ELL2: variants seen among roughly 807,000 people sequenced by gnomAD.
The protein encoded by ELL2 is elongation factor for RNA polymerase II 2, also known as RNA polymerase II elongation factor ELL2.
Under a neutral mutation model 72.8 loss-of-function variants are expected in ELL2, and 21 were observed. The observed-to-expected ratio is 0.29, with a 90% confidence interval of 0.20 to 0.42. ELL2 has a LOEUF of 0.42. ELL2 is among the 10% of genes least tolerant of loss of function. The pLI is 1.00. For synonymous variants in ELL2, 266 were observed against 283.2 expected (o/e 0.94, Z 0.61); for missense variants, 568 against 772.8 (o/e 0.73, Z 3.14).
At chr5:95,889,165 A>G (rs1748567712) in intron 10 of ELL2, 35 bp from the exon 11 acceptor site, 2 of 1,520,532 alleles carry the variant, frequency 1.3e-6, no homozygotes, top group Non-Finnish European at 1.8e-6. Context: ...AGAAGAGAAC[A>G]ACTTCTTTTG....
At chr5:95,951,863 G>A (rs77860139) in intron 1 of ELL2, among the ~76,000 whole-genome samples, 2,873 of 152,302 alleles carry the variant, frequency 0.019, 85 homozygotes, top group African/African-American at 0.065. Flanking sequence ...TATTTTGAAG[G>A]TGACAGTACT....
rs536786971 is a variant in ELL2, at chr5:95,913,548, G to C, written c.481+223C>G. On this transcript the variant is annotated intron_variant, in intron 4 of 11. Coordinates refer to ENST00000237853, the MANE Select transcript of ELL2 (RefSeq NM_012081.6). Reference sequence around the variant, plus strand: ...TATAAAATAATAGTAAGTAGCCAACGAAGATTCAGGATTTAGGAAAGTCAT... The same window carrying C: ...TATAAAATAATAGTAAGTAGCCAACCAAGATTCAGGATTTAGGAAAGTCAT... The C allele has an allele frequency of 4.4e-4, 180 of 408,492 alleles. 3 individuals carry two copies. In the South Asian group the frequency reaches 8.4e-3, roughly 19 times the overall value. 25.3% of individuals were successfully genotyped at this position (408,492 alleles called of 1,614,324 possible). A position where few individuals can be genotyped will look rare whatever the true frequency, so the allele number is the denominator to read the frequency against.
At chr5:95,950,952 A>G (rs754564604) in intron 1 of ELL2, among the ~76,000 whole-genome samples, 3,271 of 112,082 alleles carry the variant, frequency 0.029, 119 homozygotes, top group Admixed American at 0.082. Context: ...ATATATATAT[A>G]TAAAATCTTC....
chr5:95,951,223 G>C (rs1220505176), intron 1 of ELL2, among the ~76,000 whole-genome samples: 1 of 151,748 alleles, frequency 6.6e-6, no homozygotes, highest in East Asian at 1.9e-4. Flanking sequence ...CAAAAAATTA[G>C]CCAGGCGTGG....
Position 95,950,937 on chromosome 5 carries a change from TATATATATATA to T in ELL2, c.148-7899_148-7889del, listed in dbSNP as rs1561515454. ...ATATATATATATATATATATATATA[TATATATATATA>T]TATATAAAATCTTCATATATATGGT... On this transcript the variant is annotated intron_variant, in intron 1 of 11. Transcript: ENST00000237853. 5.2e-3 allele frequency among the ~76,000 whole-genome samples: 618 copies of T among 118,828 alleles called. 10 individuals are homozygous for T. Among genetic ancestry groups the T allele is most frequent in the East Asian group, 0.024 (110 of 4,558 alleles). The allele number at this position is 118,828 out of a possible 152,430, so 78.0% of individuals were successfully genotyped here. A position where few individuals can be genotyped will look rare whatever the true frequency, so the allele number is the denominator to read the frequency against.
At chr5:95,889,674 A>G (rs1201697497) in intron 10 of ELL2, among the ~76,000 whole-genome samples, 1 of 152,228 alleles carries the variant, frequency 6.6e-6, no homozygotes, top group East Asian at 1.9e-4. Flanking sequence ...ATAATGTATC[A>G]TAATTTAAGT....
At chr5:95,932,177 A>T (rs1254044793) in intron 2 of ELL2, among the ~76,000 whole-genome samples, 2 of 152,170 alleles carry the variant, frequency 1.3e-5, no homozygotes, top group Non-Finnish European at 2.9e-5. Context: ...AAGCCTATAA[A>T]GAAAATAAAA....
intron 3 of ELL2, among the ~76,000 whole-genome samples, chr5:95,918,767 CA>C (rs1441293535): frequency 6.6e-6 from 1 of 152,072 alleles, no homozygotes; most frequent in Non-Finnish European, 1.5e-5. Context: ...CAGAAACAAC[CA>C]AAGCAATGAA....
At chr5:95,905,915 G>A (rs1372273289) in intron 5 of ELL2, among the ~76,000 whole-genome samples, 1 of 152,140 alleles carries the variant, frequency 6.6e-6, no homozygotes, top group Non-Finnish European at 1.5e-5. Flanking sequence ...GGAGGTTATA[G>A]TCTAACAAAC....
At chr5:95,929,781 T>TA (rs755110562) in intron 2 of ELL2, among the ~76,000 whole-genome samples, 6,282 of 134,542 alleles carry the variant, frequency 0.047, 262 homozygotes, top group African/African-American at 0.12. Flanking sequence ...AAAGGAAGGG[T>TA]AAAAAAAAAA....
At chr5:95,895,042 T>G (rs1748815273) in intron 9 of ELL2, among the ~76,000 whole-genome samples, 1 of 152,230 alleles carries the variant, frequency 6.6e-6, no homozygotes, top group Non-Finnish European at 1.5e-5. Context: ...TGTGTCCAAG[T>G]TATAATTTCT....
chr5:95,938,186 A>G (rs749880774), intron 2 of ELL2, among the ~76,000 whole-genome samples: 7 of 152,114 alleles, frequency 4.6e-5, no homozygotes, highest in Non-Finnish European at 7.4e-5. Flanking sequence ...CTGTTTAATG[A>G]CTCTACTGAA....
intron 5 of ELL2, among the ~76,000 whole-genome samples, chr5:95,906,270 T>C (rs780453164): frequency 2.6e-5 from 4 of 152,210 alleles, no homozygotes; most frequent in Non-Finnish European, 4.4e-5. Context: ...ACTTTCTTTT[T>C]AATGGAATTT....
chr5:95,898,547 C>A lies in ELL2; in HGVS notation c.1218G>T (p.Gly406=). 1 of 1,614,054 alleles carries A rather than the reference C, an allele frequency of 6.2e-7. No homozygotes were observed. The highest frequency in any genetic ancestry group is 8.5e-7 in the Non-Finnish European group (1 of 1,180,022). Residue 406 remains glycine, a synonymous_variant, in exon 8 of 12, where the codon GGG becomes GGT. Transcript: ENST00000237853. ...SNSPSTPEGR[G]TQDLPVDSFS... Reference sequence around the variant, plus strand: ...AACTGTCAACAGGTAGGTCTTGAGTCCCCCGGCCTTCTGGAGTGCTAGGGG... The same window carrying A: ...AACTGTCAACAGGTAGGTCTTGAGTACCCCGGCCTTCTGGAGTGCTAGGGG...
At chr5:95,897,720 G>A (rs990297836) in intron 8 of ELL2, among the ~76,000 whole-genome samples, 6 of 152,118 alleles carry the variant, frequency 3.9e-5, no homozygotes, top group Non-Finnish European at 7.4e-5. Context: ...AAGACAAAGT[G>A]TTTTCACTCT....
chr5:95,957,253 A>G (rs1751658673), intron 1 of ELL2, among the ~76,000 whole-genome samples: 1 of 152,232 alleles, frequency 6.6e-6, no homozygotes, highest in Non-Finnish European at 1.5e-5. Context: ...TTACTGAGGA[A>G]CCTAGCTAAA....
chr5:95,910,499 T>C (rs1749548175), intron 4 of ELL2, among the ~76,000 whole-genome samples: 1 of 152,116 alleles, frequency 6.6e-6, no homozygotes, highest in African/African-American at 2.4e-5. Context: ...ATGTCATGAA[T>C]ACAAGTAAAA....
intron 4 of ELL2, 98 bp downstream of exon 4, chr5:95,913,673 T>A: frequency 7.8e-7 from 1 of 1,283,988 alleles, no homozygotes; most frequent in Admixed American, 2.9e-5. Flanking sequence ...AAAACTAGTT[T>A]CTGTGTTTTC....
At chr5:95,957,601 A>C (rs1046682724) in intron 1 of ELL2, among the ~76,000 whole-genome samples, 8 of 152,234 alleles carry the variant, frequency 5.3e-5, no homozygotes, top group African/African-American at 1.9e-4. Context: ...TGAGTAGCAA[A>C]ACAACTTTTA....
Sources: allele counts gnomAD v4.1 joint callset (sites outside exome capture counted in the v4.1 genomes callset), GRCh38; gene constraint gnomAD v4.1.1; transcripts MANE v1.5; gene names NCBI Gene and HGNC (gene_info 2026-07-23, HGNC 2026-07-21).